The following USH2A variants were observed in gnomAD, a reference collection of about 807,000 sequenced individuals.
The protein encoded by USH2A is Usher syndrome 2A (autosomal recessive, mild).
USH2A carries 443 observed loss-of-function variants against 538.9 expected under a neutral mutation model. The ratio of observed to expected loss-of-function variants is 0.82; its 90% CI spans 0.76 to 0.89. The LOEUF (loss-of-function observed/expected upper bound fraction) is 0.89. USH2A is among the 40% of genes least tolerant of loss of function. The pLI, the probability that USH2A is intolerant of heterozygous loss-of-function variation, is 0.00. For synonymous variants in USH2A, 2,413 were observed against 2,273.5 expected, an observed-to-expected ratio of 1.06 and a Z score of -1.75; for missense variants, 6,633 against 6,324.8, an observed-to-expected ratio of 1.05 and a Z score of -1.65.
chr1:215,712,960 C>T (rs1327785296), intron 61 of USH2A, among the ~76,000 whole-genome samples: 1 of 152,032 alleles, frequency 6.6e-6, no homozygotes, highest in Admixed American at 6.6e-5. Context: ...GTGCCCACCA[C>T]CATGCCCGGC....
rs373698632 is a variant in USH2A, at chr1:216,130,432, G to T, written c.4628-33219C>A. On this transcript the variant is annotated intron_variant, in intron 21 of 71. Transcript: ENST00000307340. ...ATGTTTGGTTTTCCATTCCTGAGTT[G>T]CTTCACTTAGGATAATAATCTCCAA... 6.0e-5 allele frequency among the ~76,000 whole-genome samples: 9 copies of T among 150,872 alleles called. No individual in the cohort carries two copies. The East Asian group carries it at 7.8e-4, about 13-fold the overall frequency.
rs775049283 is a variant in USH2A, at chr1:216,365,023, A to G, written c.714T>C (p.Asn238=). Residue 238 remains asparagine (N), a synonymous_variant, in exon 4 of 72, where the codon AAT becomes AAC. Coordinates refer to ENST00000307340, the MANE Select transcript of USH2A (RefSeq NM_206933.4). ...TAATTGAACCACTTAGAGTTCTTGC[A>G]TTGAAAGGTGTATGATCCTTCTCCA... ...NGVEKDHTPF[N]ARTLSGSITD... 2 of 1,613,650 alleles carry G rather than the reference A, an allele frequency of 1.2e-6. No individual in the cohort carries two copies. Among genetic ancestry groups the G allele is most frequent in the Non-Finnish European group, 8.5e-7 (1 of 1,179,788 alleles).
chr1:216,126,200 C>T (rs907855065), intron 21 of USH2A, among the ~76,000 whole-genome samples: 9 of 146,200 alleles, frequency 6.2e-5, no homozygotes, highest in African/African-American at 2.2e-4. Flanking sequence ...AATTAACAGC[C>T]GTTGCTTTTT....
intron 47 of USH2A, among the ~76,000 whole-genome samples, chr1:215,828,409 C>G (rs1663216449): frequency 6.6e-6 from 1 of 152,040 alleles, no homozygotes; most frequent in African/African-American, 2.4e-5. Context: ...GAGCTGCACT[C>G]CAGCTTGGGT....
At chr1:216,178,253 A>T (rs58365970) in intron 20 of USH2A, among the ~76,000 whole-genome samples, 96 of 152,298 alleles carry the variant, frequency 6.3e-4, no homozygotes, top group African/African-American at 2.2e-3. Flanking sequence ...AGCCCATGTG[A>T]TATTTTATTT....
At chr1:215,987,051 T>A (rs1667888217) in intron 35 of USH2A, among the ~76,000 whole-genome samples, 1 of 151,968 alleles carries the variant, frequency 6.6e-6, no homozygotes, top group African/African-American at 2.4e-5. Context: ...AGTTAGTATT[T>A]AAAAAAAACA....
At chr1:216,340,524 G>T (rs139899523) in intron 4 of USH2A, among the ~76,000 whole-genome samples, 1,387 of 137,416 alleles carry the variant, frequency 0.01, 19 homozygotes, top group African/African-American at 0.04. Flanking sequence ...AAAAAACCTG[G>T]CAGAGACATG....
chr1:216,181,057 C>G (rs1014695855), intron 20 of USH2A, among the ~76,000 whole-genome samples: 5 of 151,990 alleles, frequency 3.3e-5, no homozygotes, highest in African/African-American at 1.2e-4. Flanking sequence ...TATTATCTGA[C>G]CAGGGAAGAA....
intron 4 of USH2A, among the ~76,000 whole-genome samples, chr1:216,362,045 G>A (rs2038500742): frequency 1.3e-5 from 2 of 152,008 alleles, no homozygotes; most frequent in Admixed American, 1.3e-4. Flanking sequence ...TTAAATGAGA[G>A]TTACACAGGT....
In USH2A at chr1:215,900,132, A is replaced by C. The variant is rs375987841; in HGVS notation, c.7537T>G (p.Ser2513Ala). 3.9e-5 allele frequency: 63 copies of C among 1,613,714 alleles called. No homozygotes were observed. Among genetic ancestry groups the C allele is most frequent in the Non-Finnish European group, 9.3e-6 (11 of 1,179,812 alleles). ...YTEYMFRLVA[S>A]NGFGSAHSSW... Reference sequence around the variant, plus strand: ...CTATGTGCACTGCCAAATCCATTGGAGGCAACCAACCGAAACATATACTCT... The same window carrying C: ...CTATGTGCACTGCCAAATCCATTGGCGGCAACCAACCGAAACATATACTCT... Residue 2513 changes from serine (S) to alanine (A), a missense_variant, in exon 40 of 72, where the codon TCC (serine) becomes GCC (alanine). Transcript: ENST00000307340.
chr1:215,641,622 TAATC>T (rs1230029417), intron 67 of USH2A, among the ~76,000 whole-genome samples: 3 of 152,196 alleles, frequency 2.0e-5, no homozygotes, highest in Admixed American at 2.0e-4. Flanking sequence ...TTCTACAAAA[TAATC>T]AATATATTTG....
intron 21 of USH2A, among the ~76,000 whole-genome samples, chr1:216,145,307 C>A (rs2033674512): frequency 6.6e-6 from 1 of 152,138 alleles, no homozygotes; most frequent in African/African-American, 2.4e-5. Flanking sequence ...ACAGCAAGGG[C>A]CAAGGTACAA....
chr1:216,163,883 A>C (rs2034116871), intron 21 of USH2A, among the ~76,000 whole-genome samples: 1 of 151,994 alleles, frequency 6.6e-6, no homozygotes, highest in African/African-American at 2.4e-5. Flanking sequence ...GGTTTTTCTT[A>C]TATCTAGGAT....
chr1:216,043,704 T>A (rs190661569), intron 32 of USH2A, among the ~76,000 whole-genome samples: 3 of 152,198 alleles, frequency 2.0e-5, no homozygotes, highest in South Asian at 4.1e-4. Flanking sequence ...GAAATTGATG[T>A]GAATTCTTCC....
At chr1:216,310,230 T>A (rs2102636001) in intron 9 of USH2A, among the ~76,000 whole-genome samples, 1 of 152,244 alleles carries the variant, frequency 6.6e-6, no homozygotes, top group Non-Finnish European at 1.5e-5. Flanking sequence ...TATATACTTT[T>A]TACCTTTTGT....
At chr1:216,266,812 A>G (rs545575990) in intron 11 of USH2A, among the ~76,000 whole-genome samples, 1 of 152,188 alleles carries the variant, frequency 6.6e-6, no homozygotes, top group South Asian at 2.1e-4. Context: ...TAGACAAGCA[A>G]AGGAATTATT....
chr1:216,073,031 G>A, intron 28 of USH2A, 62 bp from the exon 29 acceptor site: 1 of 1,611,784 alleles, frequency 6.2e-7, no homozygotes, highest in Non-Finnish European at 8.5e-7. Context: ...ATGAGGGGCT[G>A]GCAGGGAGGG....
intron 64 of USH2A, among the ~76,000 whole-genome samples, chr1:215,666,412 C>A (rs748964258): frequency 1.3e-5 from 2 of 152,142 alleles, no homozygotes; most frequent in African/African-American, 2.4e-5. Flanking sequence ...GATAGACCAA[C>A]GTCAATAGGC....
intron 9 of USH2A, among the ~76,000 whole-genome samples, chr1:216,311,338 T>A (rs1194794226): frequency 1.3e-5 from 2 of 152,174 alleles, no homozygotes; most frequent in East Asian, 3.8e-4. Flanking sequence ...TCAATCTTAA[T>A]TTTTCCAGTG....
Sources: gnomAD v4.1 joint callset for allele counts (sites outside exome capture counted in the v4.1 genomes callset) on GRCh38, gnomAD v4.1.1 for gene constraint, MANE v1.5 for transcripts, NCBI Gene and HGNC (gene_info 2026-07-23, HGNC 2026-07-21) for gene names.